Variants in SGCG observed in about 807,000 individuals in gnomAD.
The protein encoded by SGCG is sarcoglycan gamma.
Under a neutral mutation model 29.3 loss-of-function variants are expected in SGCG, and 26 were observed. The ratio of observed to expected loss-of-function variants is 0.89; its 90% CI spans 0.65 to 1.23. The LOEUF is 1.23. Among genes scored for constraint, SGCG ranks in the 50% most tolerant of loss-of-function variants. The pLI, the probability that SGCG is intolerant of heterozygous loss-of-function variation, is 0.00. For missense variants in SGCG, 353 were observed against 356.0 expected (o/e 0.99, Z 0.07); for synonymous variants, 145 against 129.7 (o/e 1.12, Z -0.80).
At chr13:23,279,255 C>A (rs74716052) in intron 4 of SGCG, 104 bp from the exon 5 acceptor site, 7 of 1,074,530 alleles carry the variant, frequency 6.5e-6, no homozygotes, top group Admixed American at 3.7e-5. Flanking sequence ...AATACCAAGT[C>A]TTTAGATACT....
chr13:23,299,435 TATATATATATATATATA>T lies in SGCG; in HGVS notation c.578+3949_578+3965del, dbSNP rs1167463868. Among the ~76,000 whole-genome samples, 194 of 20,180 alleles carry T rather than the reference TATATATATATATATATA, an allele frequency of 9.6e-3. 23 individuals carry two copies. Among genetic ancestry groups the T allele is most frequent in the African/African-American group, 0.014 (104 of 7,254 alleles). 13.2% of individuals were successfully genotyped at this position (20,180 alleles called of 152,430 possible). On this transcript the variant is annotated intron_variant, in intron 6 of 7. Coordinates refer to ENST00000218867, the MANE Select transcript of SGCG (RefSeq NM_000231.3). ...ATATATATATATATATATATATATA[TATATATATATATATATA>T]TATATTTTTTTTTTTTTTTTAGTCG...
chr13:23,180,001 G>C (rs1475846645), upstream of SGCG, among the ~76,000 whole-genome samples: 1 of 152,030 alleles, frequency 6.6e-6, no homozygotes, highest in Non-Finnish European at 1.5e-5. Flanking sequence ...GTACCCGATA[G>C]ACAGTTTTCC....
At chr13:23,215,236 T>C (rs752665133) in intron 2 of SGCG, among the ~76,000 whole-genome samples, 2 of 152,200 alleles carry the variant, frequency 1.3e-5, no homozygotes, top group Non-Finnish European at 2.9e-5. Context: ...ACAAAATTAA[T>C]GGGCTCCAGA....
the SGCG span, among the ~76,000 whole-genome samples, chr13:23,175,223 G>T: frequency 2.6e-5 from 4 of 152,098 alleles, no homozygotes; most frequent in African/African-American, 9.7e-5. Context: ...AGCAATAGGA[G>T]GCTAATTAAA....
chr13:23,199,743 T>TC (rs3838831), intron 1 of SGCG, among the ~76,000 whole-genome samples: 40,173 of 151,796 alleles, frequency 0.26, 5,481 homozygotes, highest in East Asian at 0.32. Context: ...CTGGCAAACT[T>TC]AAAAAAAACA....
chr13:23,310,078 C>CTTTTTTTTTT (rs144258130), intron 6 of SGCG, among the ~76,000 whole-genome samples: 2 of 60,764 alleles, frequency 3.3e-5, no homozygotes, highest in African/African-American at 6.8e-5. Context: ...TTGTTTTTCT[C>CTTTTTTTTTT]TTTTTTTTTT....
intron 4 of SGCG, among the ~76,000 whole-genome samples, chr13:23,258,953 ATTT>A (rs1278896620): frequency 6.6e-6 from 1 of 152,078 alleles, no homozygotes; most frequent in Non-Finnish European, 1.5e-5. Context: ...GTTTGCCAGT[ATTT>A]TATTGAGGAT....
chr13:23,280,848 G>T (rs1188455178), intron 5 of SGCG, among the ~76,000 whole-genome samples: 1 of 152,204 alleles, frequency 6.6e-6, no homozygotes, highest in Non-Finnish European at 1.5e-5. Context: ...AGGGAAAATA[G>T]TCTAACAGCT....
chr13:23,309,227 T>C (rs575253064), intron 6 of SGCG, among the ~76,000 whole-genome samples: 2 of 152,246 alleles, frequency 1.3e-5, no homozygotes, highest in African/African-American at 4.8e-5. Flanking sequence ...TATATATGTA[T>C]ATAAAAATAC....
chr13:23,260,697 C>G (rs1305452018), intron 4 of SGCG, among the ~76,000 whole-genome samples: 2 of 152,148 alleles, frequency 1.3e-5, no homozygotes, highest in African/African-American at 4.8e-5. Flanking sequence ...TTTTTCCTTT[C>G]CATGTTTAGT....
intron 2 of SGCG, among the ~76,000 whole-genome samples, chr13:23,231,321 C>A (rs1879102413): frequency 8.5e-6 from 1 of 117,904 alleles, no homozygotes; most frequent in South Asian, 2.8e-4. Flanking sequence ...GAATGAGTCC[C>A]TCTTTCTCTT....
chr13:23,238,049 A>C (rs9552887), intron 3 of SGCG, among the ~76,000 whole-genome samples: 12,978 of 152,214 alleles, frequency 0.085, 672 homozygotes, highest in Non-Finnish European at 0.11. Context: ...AAAATATATG[A>C]AACAGTGGTT....
At chr13:23,169,337 C>T in the SGCG span, among the ~76,000 whole-genome samples, 2 of 151,610 alleles carry the variant, frequency 1.3e-5, no homozygotes, top group Non-Finnish European at 2.9e-5. Context: ...TTGCATTCTC[C>T]CTCATTCTTC....
At chr13:23,204,005 G>A (rs1877881589) in intron 2 of SGCG, 116 bp downstream of exon 2, 2 of 827,204 alleles carry the variant, frequency 2.4e-6, no homozygotes, top group South Asian at 1.5e-5. Flanking sequence ...TTTGCTGTCT[G>A]GCTCTGAATT....
intron 4 of SGCG, among the ~76,000 whole-genome samples, chr13:23,265,882 A>C (rs1185191301): frequency 6.6e-6 from 1 of 152,250 alleles, no homozygotes; most frequent in East Asian, 1.9e-4. Flanking sequence ...AAGAACTAAA[A>C]GTAGATTTAA....
At chr13:23,191,620 C>CT (rs1877256498) in intron 1 of SGCG, among the ~76,000 whole-genome samples, 3 of 152,150 alleles carry the variant, frequency 2.0e-5, no homozygotes, top group Admixed American at 1.3e-4. Flanking sequence ...TAAAATTATC[C>CT]TTGTAGAGCT....
intron 1 of SGCG, among the ~76,000 whole-genome samples, chr13:23,181,894 C>T (rs1217767340): frequency 2.0e-5 from 3 of 152,164 alleles, no homozygotes; most frequent in Admixed American, 6.5e-5. Flanking sequence ...CGGAATACAC[C>T]GTTTGTTTTT....
chr13:23,259,465 C>T (rs1880341517), intron 4 of SGCG, among the ~76,000 whole-genome samples: 1 of 152,034 alleles, frequency 6.6e-6, no homozygotes, highest in East Asian at 1.9e-4. Context: ...AGCGGTCTAT[C>T]AATTTTGTTG....
chr13:23,310,958 A>G (rs1882575560), intron 6 of SGCG, among the ~76,000 whole-genome samples: 1 of 152,104 alleles, frequency 6.6e-6, no homozygotes, highest in South Asian at 2.1e-4. Context: ...GGCCATATCT[A>G]TTTAGCTTTA....
Sources: gnomAD v4.1 joint callset for allele counts (sites outside exome capture counted in the v4.1 genomes callset) on GRCh38, gnomAD v4.1.1 for gene constraint, MANE v1.5 for transcripts, NCBI Gene and HGNC (gene_info 2026-07-23, HGNC 2026-07-21) for gene names.